STAU1: variants seen among roughly 807,000 people sequenced by gnomAD.
STAU1 encodes the protein staufen double-stranded RNA binding protein 1, also known as double-stranded RNA-binding protein Staufen homolog 1.
A neutral mutation model predicts 62.9 loss-of-function variants in STAU1; 13 were observed. The observed-to-expected ratio is 0.21, with a 90% CI of 0.13 to 0.33. STAU1 has a LOEUF of 0.33. STAU1 is among the 10% of genes least tolerant of loss of function. The probability of loss-of-function intolerance (pLI) is 1.00; values close to 1 mark genes in which losing one functional copy is unlikely to be tolerated. For synonymous variants in STAU1, 269 were observed against 265.1 expected (o/e 1.01, Z -0.14); for missense variants, 571 against 712.1 (o/e 0.80, Z 2.25).
chr20:49,210,633 A>G, the STAU1 span: 1 of 395,738 alleles, frequency 2.5e-6, no homozygotes, highest in South Asian at 1.9e-5. Context: ...CACTTTGCAT[A>G]TTGTTTGAAT....
intron 9 of STAU1, 79 bp downstream of exon 9, chr20:49,119,903 A>C: frequency 6.6e-7 from 1 of 1,521,052 alleles, no homozygotes; most frequent in South Asian, 1.3e-5. Flanking sequence ...CTTGCCTTGA[A>C]GCCTGCCCCT....
chr20:49,178,674 C>T (rs187151574), intron 1 of STAU1, among the ~76,000 whole-genome samples: 1 of 151,998 alleles, frequency 6.6e-6, no homozygotes, highest in East Asian at 1.9e-4. Context: ...TCACTTGAAC[C>T]CGGGAGGCAG....
chr20:49,176,134 G>A (rs138321338), intron 1 of STAU1, among the ~76,000 whole-genome samples: 9 of 152,248 alleles, frequency 5.9e-5, no homozygotes, highest in African/African-American at 1.9e-4. Context: ...CATATCGTCC[G>A]ATCACATAAG....
chr20:49,137,922 C>T (rs188684014), intron 5 of STAU1, among the ~76,000 whole-genome samples: 24 of 150,766 alleles, frequency 1.6e-4, no homozygotes, highest in East Asian at 5.9e-4. Context: ...TCAGGTGATC[C>T]GCCCACCTTG....
At chr20:49,145,464 G>A (rs1309543713) in intron 5 of STAU1, among the ~76,000 whole-genome samples, 1 of 136,408 alleles carries the variant, frequency 7.3e-6, no homozygotes, top group Non-Finnish European at 1.5e-5. Context: ...CAAGCGTGGT[G>A]GCTCACGTCT....
the STAU1 span, among the ~76,000 whole-genome samples, chr20:49,216,265 C>G: frequency 6.6e-6 from 1 of 151,944 alleles, no homozygotes; most frequent in Non-Finnish European, 1.5e-5. Context: ...GTGGCTCACA[C>G]CTGTAATCCT....
At chr20:49,195,898 C>CAAAA in the STAU1 span, among the ~76,000 whole-genome samples, 1 of 33,872 alleles carries the variant, frequency 3.0e-5, no homozygotes. Flanking sequence ...AACTTCCTCT[C>CAAAA]AAAAAAAAAA....
intron 3 of STAU1, among the ~76,000 whole-genome samples, chr20:49,154,518 C>T (rs974163481): frequency 2.0e-5 from 3 of 152,292 alleles, no homozygotes; most frequent in Non-Finnish European, 4.4e-5. Context: ...CAGTATTGAA[C>T]GATGCATTTA....
At chr20:49,217,154 C>T in the STAU1 span, among the ~76,000 whole-genome samples, 1 of 151,996 alleles carries the variant, frequency 6.6e-6, no homozygotes, top group African/African-American at 2.4e-5. Flanking sequence ...ACAAGCAACC[C>T]CCCACTCCCC....
At chr20:49,194,746 T>C in the STAU1 span, among the ~76,000 whole-genome samples, 2 of 151,948 alleles carry the variant, frequency 1.3e-5, no homozygotes, top group African/African-American at 4.8e-5. Flanking sequence ...ACCTGGCTTA[T>C]TTTTGCATTT....
chr20:49,202,574 A>T, the STAU1 span, among the ~76,000 whole-genome samples: 3 of 151,668 alleles, frequency 2.0e-5, no homozygotes, highest in Non-Finnish European at 2.9e-5. Context: ...AAAAAACTAA[A>T]AAATAAATAA....
chr20:49,122,395 TGAA>T (rs1270551840), intron 8 of STAU1, among the ~76,000 whole-genome samples: 3 of 152,184 alleles, frequency 2.0e-5, no homozygotes, highest in African/African-American at 7.2e-5. Context: ...GGAGATGTAA[TGAA>T]GAAAAACTTC....
chr20:49,208,890 G>A, the STAU1 span, among the ~76,000 whole-genome samples: 1 of 151,704 alleles, frequency 6.6e-6, no homozygotes, highest in African/African-American at 2.4e-5. Context: ...CCAAAGTGCT[G>A]GGATTACAGG....
chr20:49,165,713 C>A (rs1907133224), intron 3 of STAU1, among the ~76,000 whole-genome samples: 1 of 152,242 alleles, frequency 6.6e-6, no homozygotes, highest in South Asian at 2.1e-4. Flanking sequence ...CTGCTCAATT[C>A]TTTCTGCCAG....
chr20:49,159,571 T>C (rs2093418751), intron 3 of STAU1, among the ~76,000 whole-genome samples: 1 of 152,218 alleles, frequency 6.6e-6, no homozygotes, highest in African/African-American at 2.4e-5. Flanking sequence ...TTTAATTAAT[T>C]ATTTTTTGAT....
At chr20:49,155,423 C>T (rs1459902266) in intron 3 of STAU1, among the ~76,000 whole-genome samples, 1 of 152,058 alleles carries the variant, frequency 6.6e-6, no homozygotes, top group Non-Finnish European at 1.5e-5. Context: ...AATCCATAAA[C>T]CTTTAAAAAC....
chr20:49,194,731 A>C, the STAU1 span, among the ~76,000 whole-genome samples: 1 of 151,752 alleles, frequency 6.6e-6, no homozygotes, highest in Non-Finnish European at 1.5e-5. Context: ...GGCGCACACC[A>C]CTACACCTGG....
At chr20:49,176,908 T>C (rs895096299) in intron 1 of STAU1, among the ~76,000 whole-genome samples, 3 of 144,924 alleles carry the variant, frequency 2.1e-5, no homozygotes, top group Non-Finnish European at 3.0e-5. Context: ...AAGCAGGGTG[T>C]CTAGTTTTTT....
intron 1 of STAU1, chr20:49,179,096 A>AAAC: frequency 6.6e-6 from 1 of 151,364 alleles, no homozygotes; most frequent in African/African-American, 2.4e-5. Flanking sequence ...AAAAAAAAAA[A>AAAC]ATTAGCCAGG....
Sources: gnomAD v4.1 joint callset for allele counts (sites outside exome capture counted in the v4.1 genomes callset) on GRCh38, gnomAD v4.1.1 for gene constraint, MANE v1.5 for transcripts, NCBI Gene and HGNC (gene_info 2026-07-23, HGNC 2026-07-21) for gene names.